IQCM: variants seen among roughly 807,000 people sequenced by gnomAD.
The protein encoded by IQCM is IQ motif containing M.
A neutral mutation model predicts 57.6 loss-of-function variants in IQCM; 45 were observed. The ratio of observed to expected loss-of-function variants is 0.78; its 90% CI spans 0.62 to 1.00. The LOEUF is 1.00. IQCM is among the 50% of genes least tolerant of loss of function. The probability of loss-of-function intolerance (pLI) is 0.00; values close to 1 mark genes in which losing one functional copy is unlikely to be tolerated. For synonymous variants in IQCM, 148 were observed against 158.9 expected, an observed-to-expected ratio of 0.93 and a Z score of 0.51; for missense variants, 468 against 511.6, an observed-to-expected ratio of 0.91 and a Z score of 0.82.
intron 5 of IQCM, among the ~76,000 whole-genome samples, chr4:149,703,899 C>A (rs1001730413): frequency 1.3e-5 from 2 of 151,796 alleles, no homozygotes; most frequent in Non-Finnish European, 2.9e-5. Context: ...CTCTAGAACC[C>A]TTTCACTATT....
intron 7 of IQCM, among the ~76,000 whole-genome samples, chr4:149,632,724 T>C (rs552977671): frequency 3.9e-5 from 6 of 152,326 alleles, no homozygotes; most frequent in Admixed American, 3.9e-4. Flanking sequence ...GAAACTAGCT[T>C]GTGACCTTAC....
At chr4:149,422,420 C>T (rs186669729) in intron 13 of IQCM, among the ~76,000 whole-genome samples, 123 of 151,920 alleles carry the variant, frequency 8.1e-4, no homozygotes, top group Middle Eastern at 3.4e-3. Flanking sequence ...ATAGGGGGAG[C>T]GGGCAGTATT....
intron 5 of IQCM, among the ~76,000 whole-genome samples, chr4:149,719,273 G>A (rs377163159): frequency 2.0e-5 from 3 of 151,894 alleles, no homozygotes; most frequent in South Asian, 4.2e-4. Flanking sequence ...GAACCCAGGA[G>A]GTGGAGGTTG....
At chr4:149,681,017 G>A (rs1579978182) in intron 7 of IQCM, among the ~76,000 whole-genome samples, 1 of 151,358 alleles carries the variant, frequency 6.6e-6, no homozygotes, top group African/African-American at 2.4e-5. Context: ...ACCCATGTGA[G>A]GTGAATGATA....
At position 149,477,810 on chromosome 4, in the gene IQCM, AGGGTATACT is replaced by A. The variant is rs1257566056; in HGVS notation, c.1229-44262_1229-44254del. Among the ~76,000 whole-genome samples the A allele has an allele frequency of 2.0e-5, 3 of 152,168 alleles. No homozygotes were observed. In the East Asian group the frequency reaches 5.8e-4, roughly 30 times the overall value. On this transcript the variant is annotated intron_variant, in intron 12 of 13. Transcript: ENST00000636793. The stretch of plus-strand genomic sequence containing the variant: ...GATATCAGAGATGACAAAAAATGAG[AGGGTATACT>A]GGGGGGAAAAATGCATGTGGGAGGA...
intron 13 of IQCM, among the ~76,000 whole-genome samples, chr4:149,414,450 G>A (rs1733603437): frequency 6.6e-6 from 1 of 152,086 alleles, no homozygotes; most frequent in Non-Finnish European, 1.5e-5. Flanking sequence ...ATTCATTTGA[G>A]TCCCACTATG....
chr4:149,599,558 G>T (rs1378148425), intron 8 of IQCM, among the ~76,000 whole-genome samples: 3 of 151,734 alleles, frequency 2.0e-5, no homozygotes, highest in African/African-American at 4.8e-5. Flanking sequence ...ACACATGCAG[G>T]TATACATATA....
At chr4:149,566,324 G>T (rs543214892) in intron 9 of IQCM, among the ~76,000 whole-genome samples, 8 of 152,272 alleles carry the variant, frequency 5.3e-5, no homozygotes, top group Admixed American at 3.3e-4. Context: ...GTGAGGGAAG[G>T]TTTCATGTTC....
intron 12 of IQCM, among the ~76,000 whole-genome samples, chr4:149,457,023 A>G (rs1458107341): frequency 6.6e-6 from 1 of 152,068 alleles, no homozygotes; most frequent in Non-Finnish European, 1.5e-5. Context: ...GAGAGGTTAA[A>G]TTTGCTGAAT....
chr4:149,503,715 G>C (rs866082786), intron 12 of IQCM, among the ~76,000 whole-genome samples: 13 of 152,008 alleles, frequency 8.6e-5, no homozygotes, highest in Admixed American at 2.0e-4. Flanking sequence ...AAATGAAATA[G>C]ACAAAAAATT....
chr4:149,389,317 G>A (rs1731672569), intron 13 of IQCM, among the ~76,000 whole-genome samples: 1 of 151,868 alleles, frequency 6.6e-6, no homozygotes, highest in East Asian at 1.9e-4. Flanking sequence ...TTTGTTTCTG[G>A]GCTCTTAATC....
chr4:149,773,524 G>A (rs1770794189), intron 2 of IQCM, among the ~76,000 whole-genome samples: 1 of 152,128 alleles, frequency 6.6e-6, no homozygotes, highest in Non-Finnish European at 1.5e-5. Flanking sequence ...TAACTGTTCT[G>A]TAATGATCTC....
intron 13 of IQCM, among the ~76,000 whole-genome samples, chr4:149,380,725 G>C (rs1731019642): frequency 6.6e-6 from 1 of 152,148 alleles, no homozygotes. Context: ...AATGTGCAAA[G>C]AGAAAGAGTG....
chr4:149,602,056 GAAAAA>G (rs1754359816), intron 8 of IQCM, among the ~76,000 whole-genome samples: 1 of 132,264 alleles, frequency 7.6e-6, no homozygotes, highest in East Asian at 2.2e-4. Flanking sequence ...AAAAAAAAAA[GAAAAA>G]ATATGCTTTT....
chr4:149,617,730 C>A (rs537190737), intron 8 of IQCM, among the ~76,000 whole-genome samples: 1 of 151,854 alleles, frequency 6.6e-6, no homozygotes, highest in South Asian at 2.1e-4. Context: ...AAGTTGGAAA[C>A]CAAATCAATA....
rs202080304 is a variant in IQCM, at chr4:149,566,687, G to C, written c.750-2797C>G. Among the ~76,000 whole-genome samples the C allele has an allele frequency of 2.0e-5, 3 of 152,078 alleles. No individual in the cohort carries two copies. In the East Asian group the frequency reaches 5.8e-4, roughly 29 times the overall value. On this transcript the variant is annotated intron_variant, in intron 9 of 13. Transcript: ENST00000636793. ...AGCATGTTTACAAAATGATGAATGT[G>C]ATTTGTCTGGTTTTCATAACAATTG...
At chr4:149,449,665 C>T (rs1736892396) in intron 12 of IQCM, among the ~76,000 whole-genome samples, 1 of 151,076 alleles carries the variant, frequency 6.6e-6, no homozygotes, top group Non-Finnish European at 1.5e-5. Flanking sequence ...AGCAAAAGAT[C>T]TCTATAATGA....
chr4:149,427,086 T>C lies in IQCM; in HGVS notation c.1390+6310A>G, dbSNP rs543314877. On this transcript the variant is annotated intron_variant, in intron 13 of 13. Coordinates refer to ENST00000636793, the MANE Select transcript of IQCM (RefSeq NM_001363507.2). Reference sequence around the variant, plus strand: ...CATCCTTTTTTTTAATTTCTAGATGTTCTTCCTAGATTTTTTGAAGTTCCT... The same window carrying C: ...CATCCTTTTTTTTAATTTCTAGATGCTCTTCCTAGATTTTTTGAAGTTCCT... 1.2e-3 allele frequency among the ~76,000 whole-genome samples: 181 copies of C among 152,034 alleles called. 1 individual carries two copies. Among genetic ancestry groups the C allele is most frequent in the Non-Finnish European group, 1.1e-3 (73 of 67,920 alleles).
At chr4:149,472,057 G>A (rs185404030) in intron 12 of IQCM, among the ~76,000 whole-genome samples, 68 of 152,248 alleles carry the variant, frequency 4.5e-4, no homozygotes, top group African/African-American at 1.5e-3. Flanking sequence ...TTGAAAACTA[G>A]CACAAGACAG....
Sources: allele counts gnomAD v4.1 joint callset (sites outside exome capture counted in the v4.1 genomes callset), GRCh38; gene constraint gnomAD v4.1.1; transcripts MANE v1.5; gene names NCBI Gene and HGNC (gene_info 2026-07-23, HGNC 2026-07-21).